The following GTF2I variants were observed in gnomAD, a reference collection of about 807,000 sequenced individuals.
GTF2I encodes general transcription factor IIi.
A neutral mutation model predicts 67.6 loss-of-function variants in GTF2I; 12 were observed. The observed-to-expected ratio is 0.18, with a 90% CI of 0.11 to 0.29. GTF2I has a LOEUF of 0.29. Ranked by LOEUF, GTF2I falls within the 10% of genes least tolerant of loss-of-function variation. GTF2I has a pLI of 1.00. For missense variants in GTF2I, 271 were observed against 580.1 expected, an observed-to-expected ratio of 0.47 and a Z score of 5.47; for synonymous variants, 149 against 197.0, an observed-to-expected ratio of 0.76 and a Z score of 2.04.
intron 12 of GTF2I, among the ~76,000 whole-genome samples, chr7:74,724,736 C>G (rs1049963893): frequency 6.6e-6 from 1 of 152,094 alleles, no homozygotes; most frequent in East Asian, 1.9e-4. Context: ...GCCTGACCAA[C>G]ATGGTGAAAT....
chr7:74,720,615 A>G (rs1201791138), intron 12 of GTF2I, among the ~76,000 whole-genome samples: 1 of 152,184 alleles, frequency 6.6e-6, no homozygotes, highest in Admixed American at 6.5e-5. Context: ...AAATATTACA[A>G]CTACTCAGCT....
At chr7:74,694,903 G>T (rs1554398012) in intron 3 of GTF2I, among the ~76,000 whole-genome samples, 1 of 152,098 alleles carries the variant, frequency 6.6e-6, no homozygotes, top group Non-Finnish European at 1.5e-5. Flanking sequence ...AAATCCTGGG[G>T]TCCTGAAGAG....
chr7:74,660,561 T>A (rs921310454), intron 1 of GTF2I, among the ~76,000 whole-genome samples: 1 of 152,046 alleles, frequency 6.6e-6, no homozygotes, highest in Non-Finnish European at 1.5e-5. Context: ...TTGTGTGCCC[T>A]TCCTCGCAGG....
chr7:74,682,230 A>G (rs1438230948), intron 1 of GTF2I, among the ~76,000 whole-genome samples: 1 of 152,224 alleles, frequency 6.6e-6, no homozygotes, highest in Non-Finnish European at 1.5e-5. Context: ...TGTTCTTGAG[A>G]ATAAAGGATA....
intron 1 of GTF2I, among the ~76,000 whole-genome samples, chr7:74,677,695 T>C (rs1554392796): frequency 7.0e-6 from 1 of 142,854 alleles, no homozygotes; most frequent in African/African-American, 2.6e-5. Flanking sequence ...GGCAGGAGAA[T>C]TGCTTGAACC....
intron 12 of GTF2I, among the ~76,000 whole-genome samples, chr7:74,728,454 G>C (rs1554406159): frequency 1.4e-5 from 2 of 138,416 alleles, no homozygotes; most frequent in African/African-American, 5.5e-5. Context: ...TTTATTAAAA[G>C]TTTTTTCTTG....
intron 16 of GTF2I, among the ~76,000 whole-genome samples, chr7:74,734,499 G>A (rs1178810534): frequency 1.3e-5 from 2 of 152,142 alleles, no homozygotes; most frequent in East Asian, 1.9e-4. Flanking sequence ...TCCGCTCACT[G>A]CAACCTCCCG....
At chr7:74,672,980 C>T (rs1466012537) in intron 1 of GTF2I, among the ~76,000 whole-genome samples, 1 of 152,138 alleles carries the variant, frequency 6.6e-6, no homozygotes, top group Non-Finnish European at 1.5e-5. Flanking sequence ...CCTGCCTCAG[C>T]CTCCCTAGTA....
chr7:74,731,523 C>A (rs1344865805), intron 14 of GTF2I, among the ~76,000 whole-genome samples: 14 of 141,480 alleles, frequency 9.9e-5, no homozygotes, highest in African/African-American at 3.7e-4. Flanking sequence ...CTTTTTTGCC[C>A]GTGGTTTTTT....
chr7:74,686,191 C>T (rs1787711569), intron 1 of GTF2I, among the ~76,000 whole-genome samples: 1 of 152,220 alleles, frequency 6.6e-6, no homozygotes, highest in Admixed American at 6.5e-5. Context: ...ATCTGGGACA[C>T]AGAAAAAGTG....
chr7:74,719,043 G>C, intron 12 of GTF2I, 102 bp downstream of exon 12: 1 of 626,956 alleles, frequency 1.6e-6, no homozygotes, highest in East Asian at 3.1e-5. Context: ...TTTTAAAGGA[G>C]ACTTGTGGGA....
At position 74,756,868 on chromosome 7, in the gene GTF2I, G is replaced by A. The variant is rs587676085; in HGVS notation, c.2896+7G>A. On this transcript the variant is annotated splice_region_variant and intron_variant, in intron 32 of 34. Transcript: ENST00000573035. Reference sequence around the variant, plus strand: ...GAAGGCCCCGTGATACAAGGTGAGCGAGGCAGGGGAGGGCCCGGAGCTACT... The same window carrying A: ...GAAGGCCCCGTGATACAAGGTGAGCAAGGCAGGGGAGGGCCCGGAGCTACT... 1.8e-5 allele frequency: 4 copies of A among 221,292 alleles called. 2 individuals carry two copies. Among genetic ancestry groups the A allele is most frequent in the Non-Finnish European group, 1.3e-5 (2 of 148,254 alleles). 13.7% of individuals were successfully genotyped at this position (221,292 alleles called of 1,614,324 possible).
At chr7:74,705,284 TTGAGA>T in intron 7 of GTF2I, 66 bp downstream of exon 7, 2 of 925,214 alleles carry the variant, frequency 2.2e-6, no homozygotes, top group Admixed American at 1.8e-5. Context: ...TGTTAGATAA[TTGAGA>T]TATCAGAATA....
intron 4 of GTF2I, chr7:74,699,445 A>G (rs1789427767): frequency 6.5e-6 from 1 of 154,000 alleles, no homozygotes; most frequent in African/African-American, 2.4e-5. Flanking sequence ...GGTGTCCGCC[A>G]CCATGCCCGG....
chr7:74,704,140 T>A (rs1554400603), intron 6 of GTF2I, among the ~76,000 whole-genome samples: 1 of 152,206 alleles, frequency 6.6e-6, no homozygotes, highest in Non-Finnish European at 1.5e-5. Flanking sequence ...GAAAGCATTC[T>A]GTCTTTGACC....
chr7:74,667,094 A>G (rs1805049274), intron 1 of GTF2I, among the ~76,000 whole-genome samples: 1 of 152,112 alleles, frequency 6.6e-6, no homozygotes, highest in Non-Finnish European at 1.5e-5. Flanking sequence ...GCAGTGAGCC[A>G]AGATCACGCC....
chr7:74,690,869 G>T, intron 2 of GTF2I, 104 bp from the exon 3 acceptor site: 1 of 1,072,644 alleles, frequency 9.3e-7, no homozygotes, highest in South Asian at 1.4e-5. Flanking sequence ...TATCTTGAAA[G>T]AGAAGTACCT....
chr7:74,717,938 T>C (rs1426142879), intron 11 of GTF2I, among the ~76,000 whole-genome samples: 2 of 152,172 alleles, frequency 1.3e-5, no homozygotes, highest in African/African-American at 4.8e-5. Flanking sequence ...TAGAAGATTG[T>C]GTGGGTGAAT....
chr7:74,700,465 T>C (rs1554399582), intron 5 of GTF2I, 35 bp downstream of exon 5: 2 of 1,609,984 alleles, frequency 1.2e-6, no homozygotes, highest in South Asian at 1.1e-5. Flanking sequence ...CCATCAACAG[T>C]TGATTCGTAT....
Sources: allele counts gnomAD v4.1 joint callset (sites outside exome capture counted in the v4.1 genomes callset), GRCh38; gene constraint gnomAD v4.1.1; transcripts MANE v1.5; gene names NCBI Gene and HGNC (gene_info 2026-07-23, HGNC 2026-07-21).